MSI2: variants seen among roughly 807,000 people sequenced by gnomAD.
The protein encoded by MSI2 is musashi RNA binding protein 2, also known as RNA-binding protein Musashi homolog 2.
Under a neutral mutation model 45.6 loss-of-function variants are expected in MSI2, and 17 were observed. The observed-to-expected ratio is 0.37, with a 90% CI of 0.26 to 0.56. The LOEUF (loss-of-function observed/expected upper bound fraction) is 0.56. Among genes scored for constraint, MSI2 ranks in the 20% least tolerant of loss-of-function variants. The pLI is 0.77. For missense variants in MSI2, 293 were observed against 444.2 expected (o/e 0.66, Z 3.06); for synonymous variants, 156 against 158.2 (o/e 0.99, Z 0.11).
At chr17:57,522,040 G>A (rs922967319) in intron 6 of MSI2, among the ~76,000 whole-genome samples, 4 of 152,138 alleles carry the variant, frequency 2.6e-5, no homozygotes, top group African/African-American at 9.7e-5. Context: ...TTTTGCCTAA[G>A]CTGGCAGGGA....
At chr17:57,442,041 A>ATTT (rs34318112) in intron 6 of MSI2, among the ~76,000 whole-genome samples, 179 of 143,312 alleles carry the variant, frequency 1.2e-3, no homozygotes, top group East Asian at 9.3e-3. Flanking sequence ...AACACAGCTG[A>ATTT]TTTTTTTTTT....
chr17:57,274,961 T>C (rs529290380), intron 5 of MSI2, among the ~76,000 whole-genome samples: 3 of 152,254 alleles, frequency 2.0e-5, no homozygotes, highest in Admixed American at 6.5e-5. Context: ...TGATGAATAC[T>C]GAGAAAATGT....
At chr17:57,456,166 G>A (rs1445462815) in intron 6 of MSI2, among the ~76,000 whole-genome samples, 2 of 152,216 alleles carry the variant, frequency 1.3e-5, no homozygotes, top group African/African-American at 4.8e-5. Flanking sequence ...ACTTTCCTCT[G>A]TGGATGCAAA....
chr17:57,280,189 A>G lies in MSI2; in HGVS notation c.312+17997A>G, dbSNP rs2143366799. On this transcript the variant is annotated intron_variant, in intron 5 of 13. Coordinates refer to ENST00000284073, the MANE Select transcript of MSI2 (RefSeq NM_138962.4). The surrounding 1 kb of genome is among the most constrained non-coding windows in gnomAD (Gnocchi z 4.2). ...AGGACAGGGGGACAGGCGAGGTCACACTTGCGTTGGCGGGGATAAAAATTC... is the reference window on the plus strand; with the variant it reads ...AGGACAGGGGGACAGGCGAGGTCACGCTTGCGTTGGCGGGGATAAAAATTC... Among the ~76,000 whole-genome samples the G allele has an allele frequency of 6.6e-6, 1 of 152,212 alleles. No individual in the cohort carries two copies. Among genetic ancestry groups the G allele is most frequent in the East Asian group, 1.9e-4 (1 of 5,184 alleles).
intron 6 of MSI2, among the ~76,000 whole-genome samples, chr17:57,491,579 G>T (rs1182063886): frequency 6.6e-6 from 1 of 152,190 alleles, no homozygotes; most frequent in African/African-American, 2.4e-5. Flanking sequence ...GGCCTTTGGG[G>T]GACCTCTTTG....
chr17:57,600,232 AG>A (rs1905713249), intron 8 of MSI2, among the ~76,000 whole-genome samples: 1 of 152,270 alleles, frequency 6.6e-6, no homozygotes, highest in African/African-American at 2.4e-5. Context: ...TTTCATAAAC[AG>A]GACTGTGCTG....
intron 6 of MSI2, among the ~76,000 whole-genome samples, chr17:57,422,614 G>T (rs1420097543): frequency 6.6e-6 from 1 of 152,204 alleles, no homozygotes; most frequent in Admixed American, 6.5e-5. Flanking sequence ...TCAGTCCAGG[G>T]CTAGCAAACT....
chr17:57,697,773 T>C, the MSI2 span, among the ~76,000 whole-genome samples: 6 of 152,170 alleles, frequency 3.9e-5, no homozygotes, highest in Admixed American at 2.0e-4. Context: ...CTGAGACTTA[T>C]TCACTACCAT....
At chr17:57,599,017 A>G (rs542848312) in intron 8 of MSI2, among the ~76,000 whole-genome samples, 43 of 152,316 alleles carry the variant, frequency 2.8e-4, no homozygotes, top group Non-Finnish European at 5.1e-4. Flanking sequence ...ACTTGCATCC[A>G]CTGCCCAGAT....
intron 5 of MSI2, among the ~76,000 whole-genome samples, chr17:57,286,854 C>T (rs192018548): frequency 8.5e-5 from 13 of 152,070 alleles, no homozygotes; most frequent in African/African-American, 2.4e-4. Flanking sequence ...CAGGAGAGAG[C>T]GGGCAGTGTG....
At chr17:57,617,982 A>C (rs1238287630) in intron 9 of MSI2, 4 of 152,068 alleles carry the variant, frequency 2.6e-5, no homozygotes, top group Non-Finnish European at 5.9e-5. Context: ...GAAGCAGGAG[A>C]ATCGCTTGAA....
chr17:57,494,989 G>A (rs1000138808), intron 6 of MSI2, among the ~76,000 whole-genome samples: 6 of 152,130 alleles, frequency 3.9e-5, no homozygotes, highest in Non-Finnish European at 7.4e-5. Context: ...AAACAACAGT[G>A]GAACACAGGG....
At chr17:57,294,240 C>T (rs1413766178) in intron 5 of MSI2, among the ~76,000 whole-genome samples, 1 of 152,116 alleles carries the variant, frequency 6.6e-6, no homozygotes, top group Non-Finnish European at 1.5e-5. Context: ...AGATCCGGTA[C>T]CTCCTTTATC....
chr17:57,581,004 CTTTTTTTTTTT>C (rs3059122), intron 7 of MSI2, among the ~76,000 whole-genome samples: 2 of 66,506 alleles, frequency 3.0e-5, no homozygotes, highest in South Asian at 6.9e-4. Flanking sequence ...AGGTCAGCAT[CTTTTTTTTTTT>C]TTTTTTTTTT....
chr17:57,259,706 T>C (rs190637017), intron 4 of MSI2, among the ~76,000 whole-genome samples: 99 of 152,280 alleles, frequency 6.5e-4, no homozygotes, highest in Admixed American at 2.2e-3. Context: ...GTCTGAAAAA[T>C]TTTTCTCTCC....
intron 5 of MSI2, among the ~76,000 whole-genome samples, chr17:57,326,527 C>T (rs1913807386): frequency 6.6e-6 from 1 of 152,172 alleles, no homozygotes; most frequent in African/African-American, 2.4e-5. Flanking sequence ...GGACTATGTC[C>T]TAGTCAATAT....
chr17:57,558,340 G>A (rs558108379), intron 7 of MSI2, among the ~76,000 whole-genome samples: 47 of 152,250 alleles, frequency 3.1e-4, no homozygotes, highest in African/African-American at 1.1e-3. Flanking sequence ...GCTATAAATA[G>A]TGTCTTTCCA....
chr17:57,459,279 G>A (rs558699006), intron 6 of MSI2, among the ~76,000 whole-genome samples: 4 of 152,268 alleles, frequency 2.6e-5, no homozygotes, highest in East Asian at 3.9e-4. Flanking sequence ...GCTTTGTTTT[G>A]GGGGCAGGGG....
intron 11 of MSI2, among the ~76,000 whole-genome samples, chr17:57,668,549 C>T (rs974364884): frequency 6.6e-6 from 1 of 152,078 alleles, no homozygotes; most frequent in East Asian, 1.9e-4. Flanking sequence ...ATAAGACTGG[C>T]GCCATTGTCA....
Sources: allele counts gnomAD v4.1 joint callset (sites outside exome capture counted in the v4.1 genomes callset), GRCh38; gene constraint gnomAD v4.1.1; non-coding constraint Gnocchi (gnomAD v3.1); transcripts MANE v1.5; gene names NCBI Gene and HGNC (gene_info 2026-07-23, HGNC 2026-07-21).